RB1: variants seen among roughly 807,000 people sequenced by gnomAD.
RB1 encodes RB transcriptional corepressor 1.
In RB1, 18 loss-of-function variants were observed where a neutral mutation model predicts 135.4. The ratio of observed to expected loss-of-function variants is 0.13; its 90% confidence interval spans 0.09 to 0.20. The LOEUF is 0.20. Among genes scored for constraint, RB1 ranks in the 10% least tolerant of loss-of-function variants. The pLI, the probability that RB1 is intolerant of heterozygous loss-of-function variation, is 1.00. For synonymous variants in RB1, 365 were observed against 373.2 expected, an observed-to-expected ratio of 0.98 and a Z score of 0.25; for missense variants, 868 against 1,110.0, an observed-to-expected ratio of 0.78 and a Z score of 3.10.
chr13:48,348,511 C>T (rs993891588), intron 5 of RB1, among the ~76,000 whole-genome samples: 1 of 151,738 alleles, frequency 6.6e-6, no homozygotes, highest in Middle Eastern at 3.4e-3. Context: ...CATTTTTCTG[C>T]TCACAGTGTT....
Position 48,319,970 on chromosome 13 carries a change from G to T in RB1, c.264+12564G>T. 1 of 379,670 alleles carries T rather than the reference G, an allele frequency of 2.6e-6. No homozygotes were observed. Among genetic ancestry groups the T allele is most frequent in the South Asian group, 3.1e-5 (1 of 32,146 alleles). 23.5% of individuals were successfully genotyped at this position (379,670 alleles called of 1,614,324 possible). On this transcript the variant is annotated intron_variant, in intron 2 of 26. Coordinates refer to ENST00000267163, the MANE Select transcript of RB1 (RefSeq NM_000321.3). This position sits in a 1 kb window ranked among gnomAD's most constrained non-coding sequence, Gnocchi z 5.0. ...CGGGGCACTGCCGTGAGATAGTTCT[G>T]GCTTACATCTACTGCCACTGCCTGC... is the stretch of plus-strand genomic sequence containing the variant.
In RB1 at chr13:48,419,010, C is replaced by T. The variant is rs192375484; in HGVS notation, c.1696-33983C>T. Among the ~76,000 whole-genome samples, 248 of 152,242 alleles carry T rather than the reference C, an allele frequency of 1.6e-3. 2 individuals are homozygous for T. The highest frequency in any genetic ancestry group is 0.012 in the East Asian group (62 of 5,182). On this transcript the variant is annotated intron_variant, in intron 17 of 26. Coordinates refer to ENST00000267163, the MANE Select transcript of RB1 (RefSeq NM_000321.3). Reference sequence around the variant, plus strand: ...AGAAAATTAACAAGGATATTCAGGACTTGAACTCAGCTCTGCACCAAGCAG... The same window carrying T: ...AGAAAATTAACAAGGATATTCAGGATTTGAACTCAGCTCTGCACCAAGCAG...
chr13:48,328,326 T>G (rs1203001627), intron 2 of RB1: 1 of 1,586,962 alleles, frequency 6.3e-7, no homozygotes, highest in African/African-American at 1.3e-5. Flanking sequence ...TGGAACAGTT[T>G]CTTTAGGCTT....
Position 48,471,957 on chromosome 13 carries a change from A to T in RB1, c.2490-1403A>T, listed in dbSNP as rs1330481488. Among the ~76,000 whole-genome samples, 1 of 152,198 alleles carries T rather than the reference A, an allele frequency of 6.6e-6. No homozygotes were observed. The highest frequency in any genetic ancestry group is 2.4e-5 in the African/African-American group (1 of 41,440). ...TTCACAAGGGTGCTGTGGATCAGGG[A>T]AATGATGAGTATGAAGCTGTTTTAA... On this transcript the variant is annotated intron_variant, in intron 23 of 26. Transcript: ENST00000267163.
intron 13 of RB1, among the ~76,000 whole-genome samples, chr13:48,378,253 CT>C (rs1566198121): frequency 6.6e-6 from 1 of 152,062 alleles, no homozygotes; most frequent in Non-Finnish European, 1.5e-5. Context: ...AAACTTTTGA[CT>C]CTTATAACAC....
chr13:48,423,814 A>G (rs1949042694), intron 17 of RB1, among the ~76,000 whole-genome samples: 1 of 152,212 alleles, frequency 6.6e-6, no homozygotes, highest in South Asian at 2.1e-4. Context: ...AGAGGCTGAG[A>G]CAAGAGGATC....
chr13:48,354,433 A>G (rs1479007354), intron 6 of RB1, among the ~76,000 whole-genome samples: 1 of 152,134 alleles, frequency 6.6e-6, no homozygotes, highest in Non-Finnish European at 1.5e-5. Context: ...ATTGAAGAGC[A>G]CACCAAAAAA....
intron 17 of RB1, among the ~76,000 whole-genome samples, chr13:48,386,310 C>A (rs1948571414): frequency 6.6e-6 from 1 of 151,868 alleles, no homozygotes; most frequent in Non-Finnish European, 1.5e-5. Context: ...GTATAGCCTG[C>A]TACACATCAG....
chr13:48,424,591 C>G (rs1207131791), intron 17 of RB1, among the ~76,000 whole-genome samples: 1 of 82,604 alleles, frequency 1.2e-5, no homozygotes. Flanking sequence ...TGAGTTGTCC[C>G]TTCTTCCTTA....
At chr13:48,314,207 G>A (rs1180266784) in intron 2 of RB1, among the ~76,000 whole-genome samples, 2 of 151,960 alleles carry the variant, frequency 1.3e-5, no homozygotes, top group Non-Finnish European at 2.9e-5. Context: ...TGAATTTTTA[G>A]GATCAATTTG....
At chr13:48,399,991 A>G (rs1413591157) in intron 17 of RB1, among the ~76,000 whole-genome samples, 1 of 152,030 alleles carries the variant, frequency 6.6e-6, no homozygotes, top group Admixed American at 6.6e-5. Context: ...CTCTTTGTTC[A>G]TTAATTGGCA....
chr13:48,323,528 A>AT (rs1952259734), intron 2 of RB1, among the ~76,000 whole-genome samples: 1 of 151,612 alleles, frequency 6.6e-6, no homozygotes, highest in South Asian at 2.1e-4. Context: ...TGATCAAACG[A>AT]TTTTTCCCTG....
chr13:48,417,320 C>A (rs1045852821), intron 17 of RB1: 10 of 152,570 alleles, frequency 6.6e-5, no homozygotes, highest in African/African-American at 2.4e-4. Context: ...TTCCAGCAGA[C>A]CTGCAGCAGA....
chr13:48,334,108 G>A (rs1220967542), intron 2 of RB1, among the ~76,000 whole-genome samples: 6 of 152,148 alleles, frequency 3.9e-5, no homozygotes, highest in Non-Finnish European at 8.8e-5. Flanking sequence ...AATTTGCCAG[G>A]TACATGTTTT....
At chr13:48,317,905 G>T in intron 2 of RB1, 1 of 408,696 alleles carries the variant, frequency 2.4e-6, no homozygotes, top group East Asian at 6.2e-5. Context: ...GAGAGCAGCA[G>T]GGCCCTCTGC....
chr13:48,353,207 T>C (rs1394607192), intron 6 of RB1, among the ~76,000 whole-genome samples: 5 of 151,584 alleles, frequency 3.3e-5, no homozygotes, highest in Admixed American at 2.0e-4. Context: ...TTTAGCTAGA[T>C]TAACTAAGGA....
intron 2 of RB1, among the ~76,000 whole-genome samples, chr13:48,335,857 GAT>G (rs1952380289): frequency 6.6e-6 from 1 of 152,026 alleles, no homozygotes; most frequent in Non-Finnish European, 1.5e-5. Context: ...AGCAGAATGA[GAT>G]ATGAGAATCA....
At chr13:48,384,326 A>T (rs1316208094) in intron 17 of RB1, among the ~76,000 whole-genome samples, 1 of 152,160 alleles carries the variant, frequency 6.6e-6, no homozygotes, top group Non-Finnish European at 1.5e-5. Context: ...GTGGTAGTGG[A>T]TAACTTTGTG....
chr13:48,303,990 G>A lies in RB1; in HGVS notation c.78G>A (p.Pro26=). 6.7e-7 allele frequency: 1 copy of A among 1,497,904 alleles called. No individual in the cohort carries two copies. 92.8% of individuals were successfully genotyped at this position (1,497,904 alleles called of 1,614,324 possible). ...AAAEPPAPPP[P]PPPEEDPEQD... is the part of the protein sequence containing the mutation. ...CGGAACCCCCGGCACCGCCGCCGCC[G>A]CCCCCTCCTGAGGAGGACCCAGAGC... The change falls in exon 1 of 27, where the codon CCG becomes CCA. Residue 26 remains proline, a synonymous_variant. Transcript: ENST00000267163.
Sources: gnomAD v4.1 joint callset for allele counts (sites outside exome capture counted in the v4.1 genomes callset) on GRCh38, gnomAD v4.1.1 for gene constraint, Gnocchi (gnomAD v3.1) non-coding constraint, MANE v1.5 for transcripts, NCBI Gene and HGNC (gene_info 2026-07-23, HGNC 2026-07-21) for gene names.